Variants in PARP12 observed in about 807,000 individuals in gnomAD.
PARP12 encodes the protein poly(ADP-ribose) polymerase family member 12.
Under a neutral mutation model 72.4 loss-of-function variants are expected in PARP12, and 59 were observed. The ratio of observed to expected loss-of-function variants is 0.81; its 90% CI spans 0.66 to 1.01. PARP12 has a LOEUF of 1.01. PARP12 is among the 50% of genes least tolerant of loss of function. The pLI is 0.00. For synonymous variants in PARP12, 403 were observed against 371.4 expected (o/e 1.09, Z -0.98); for missense variants, 851 against 914.0 (o/e 0.93, Z 0.89).
Position 140,054,703 on chromosome 7 carries a change from T to TG in PARP12, c.820dup (p.Gln274ProfsTer12), listed in dbSNP as rs1316408190. ...TTTCCGGATATGGTACAAACAGATC[T>TG]GATCACCCTCCTCCTGGCTAAGAGT... On this transcript the variant is annotated frameshift_variant, in exon 4 of 12. Coordinates refer to ENST00000263549, the MANE Select transcript of PARP12 (RefSeq NM_022750.4). LOFTEE classifies it high-confidence loss of function. The TG allele has an allele frequency of 6.2e-7, 1 of 1,614,040 alleles. No homozygotes were observed. Among genetic ancestry groups the TG allele is most frequent in the Non-Finnish European group, 8.5e-7 (1 of 1,179,986 alleles).
chr7:140,062,869 CG>C lies in PARP12; in HGVS notation c.-23del. 7.9e-7 allele frequency: 1 copy of C among 1,262,802 alleles called. No individual in the cohort carries two copies. The highest frequency in any genetic ancestry group is 9.9e-7 in the Non-Finnish European group (1 of 1,006,242). 78.2% of individuals were successfully genotyped at this position (1,262,802 alleles called of 1,614,324 possible). ...CCATGGCCGCTGGGCCTGCTCCCGTCGGACCGCGGGTGGCGCGACGCGGACG... is the reference window on the plus strand; with the variant it reads ...CCATGGCCGCTGGGCCTGCTCCCGTCGACCGCGGGTGGCGCGACGCGGACG... On this transcript the variant is annotated 5_prime_UTR_variant, in exon 1 of 12. Coordinates refer to ENST00000263549, the MANE Select transcript of PARP12 (RefSeq NM_022750.4).
chr7:140,023,838 G>A lies in PARP12; in HGVS notation c.*722C>T, dbSNP rs764475977. The A allele has an allele frequency of 7.1e-5, 11 of 154,320 alleles. No individual in the cohort carries two copies. The highest frequency in any genetic ancestry group is 1.3e-4 in the Non-Finnish European group (9 of 69,074). 9.6% of individuals were successfully genotyped at this position (154,320 alleles called of 1,614,324 possible). On this transcript the variant is annotated 3_prime_UTR_variant, in exon 12 of 12. Transcript: ENST00000263549. ...CACAGGGATGTTAAAACCCACACTC[G>A]AAGGGTGTCCAGTGTGCTTAGGAAA...
At chr7:140,061,341 G>A (rs62491366) in intron 1 of PARP12, among the ~76,000 whole-genome samples, 10,341 of 152,240 alleles carry the variant, frequency 0.068, 471 homozygotes, top group Non-Finnish European at 0.099. Context: ...GGCACAGAGC[G>A]GAGGTCAGTC....
chr7:140,052,611 T>G (rs913329481), intron 4 of PARP12, among the ~76,000 whole-genome samples: 18 of 152,204 alleles, frequency 1.2e-4, no homozygotes, highest in African/African-American at 4.1e-4. Flanking sequence ...TGCCTCAAAC[T>G]AGATCCTCTT....
chr7:140,034,926 A>G (rs1160000552), intron 7 of PARP12, among the ~76,000 whole-genome samples: 2 of 152,282 alleles, frequency 1.3e-5, no homozygotes, highest in Middle Eastern at 3.4e-3. Flanking sequence ...GCCTGCCAGG[A>G]AAACCCTCTC....
Position 140,062,504 on chromosome 7 carries a change from C to T in PARP12, c.326+18G>A. ...CGCAGGACCTCCGCCCGCCGTCGCT[C>T]CCGGCGCGGCGCCTTACCCGGCTCT... is the stretch of plus-strand genomic sequence containing the variant. On this transcript the variant is annotated intron_variant, in intron 1 of 11. Transcript: ENST00000263549. The T allele has an allele frequency of 6.5e-7, 1 of 1,532,450 alleles. No individual in the cohort carries two copies. 94.9% of individuals were successfully genotyped at this position (1,532,450 alleles called of 1,614,324 possible).
intron 7 of PARP12, among the ~76,000 whole-genome samples, chr7:140,034,897 C>A (rs757833): frequency 0.47 from 71,178 of 151,946 alleles, 19,048 homozygotes; most frequent in African/African-American, 0.72. Context: ...AAATACCTAG[C>A]AGTGTTTGTT....
At position 140,034,216 on chromosome 7, in the gene PARP12, G is replaced by GC. The variant is rs1325070810; in HGVS notation, c.1421+18dup. On this transcript the variant is annotated intron_variant, in intron 8 of 11. Coordinates refer to ENST00000263549, the MANE Select transcript of PARP12 (RefSeq NM_022750.4). ...CAGCTGATTACATCCTAAGTACCAA[G>GC]CCCCCCACTGCAACCTACCAGGTTT... is the stretch of plus-strand genomic sequence containing the variant. The GC allele has an allele frequency of 4.4e-6, 7 of 1,608,420 alleles. No individual in the cohort carries two copies. The African/African-American group carries it at 5.4e-5, about 12-fold the overall frequency.
chr7:140,061,939 G>A (rs557375027), intron 1 of PARP12, among the ~76,000 whole-genome samples: 4 of 144,462 alleles, frequency 2.8e-5, no homozygotes, highest in South Asian at 2.4e-4. Flanking sequence ...GGCATTCCAG[G>A]CAGAGCAAAG....
intron 1 of PARP12, among the ~76,000 whole-genome samples, chr7:140,058,988 A>C (rs1817320383): frequency 6.6e-6 from 1 of 151,808 alleles, no homozygotes; most frequent in African/African-American, 2.4e-5. Flanking sequence ...CCAGCTACTC[A>C]GGAGGCTGAG....
intron 10 of PARP12, 66 bp from the exon 11 acceptor site, chr7:140,026,414 T>G: frequency 6.5e-7 from 1 of 1,547,662 alleles, no homozygotes; most frequent in Non-Finnish European, 8.7e-7. Context: ...GCCGGCCTGA[T>G]GCAAAACAAC....
At chr7:140,034,951 T>A (rs1206006032) in intron 7 of PARP12, among the ~76,000 whole-genome samples, 1 of 152,216 alleles carries the variant, frequency 6.6e-6, no homozygotes, top group Non-Finnish European at 1.5e-5. Context: ...CTTACATTTT[T>A]TTTAAGAGAT....
Position 140,031,344 on chromosome 7 carries a change from T to C in PARP12, c.1422-2656A>G, listed in dbSNP as rs538819307. ...GCCGTGATCAGGTCACTGCATTCCATCCTGGGTGACAGAGTGAGACCCTGT... is the reference window on the plus strand; with the variant it reads ...GCCGTGATCAGGTCACTGCATTCCACCCTGGGTGACAGAGTGAGACCCTGT... On this transcript the variant is annotated intron_variant, in intron 8 of 11. Coordinates refer to ENST00000263549, the MANE Select transcript of PARP12 (RefSeq NM_022750.4). Among the ~76,000 whole-genome samples the C allele has an allele frequency of 4.5e-4, 68 of 152,116 alleles. 1 individual carries two copies. The highest frequency in any genetic ancestry group is 3.4e-3 in the Middle Eastern group (1 of 294).
rs1352026787 is a variant in PARP12, at chr7:140,024,650, C to T, written c.2016G>A (p.Glu672=). The part of the protein sequence containing the change: ...VIFEKHQVYP[E]YVIQYTTSSK... Reference sequence around the variant, plus strand: ...AGGAGGTGGTGTACTGGATGACATACTCTGGGTAGACCTGGTGTTTCTCAA... The same window carrying T: ...AGGAGGTGGTGTACTGGATGACATATTCTGGGTAGACCTGGTGTTTCTCAA... Residue 672 remains glutamate (E), a synonymous_variant, in exon 12 of 12, where the codon GAG becomes GAA. Coordinates refer to ENST00000263549, the MANE Select transcript of PARP12 (RefSeq NM_022750.4). 11 of 1,614,010 alleles carry T rather than the reference C, an allele frequency of 6.8e-6. No homozygotes were observed. The highest frequency in any genetic ancestry group is 5.3e-5 in the African/African-American group (4 of 74,902).
At chr7:140,033,487 T>G (rs1816026357) in intron 8 of PARP12, 1 of 985,422 alleles carries the variant, frequency 1.0e-6, no homozygotes, top group East Asian at 1.1e-4. Flanking sequence ...AAGCCCAAAC[T>G]GTATGGGCAC....
rs749786679 is a variant in PARP12, at chr7:140,027,383, C to A, written c.1521G>T (p.Ser507=). The change falls in exon 10 of 12, where the codon TCG becomes TCT. Residue 507 remains serine, a synonymous_variant. Coordinates refer to ENST00000263549, the MANE Select transcript of PARP12 (RefSeq NM_022750.4). ...GFQKITLSSS[S]EEYQKVWNLF... is the part of the protein sequence containing the mutation. The stretch of plus-strand genomic sequence containing the variant: ...GGTTCCAGACCTTCTGATACTCTTC[C>A]GAGGAAGAACTAAGGGTGATCTTCT... The A allele has an allele frequency of 6.2e-7, 1 of 1,613,988 alleles. No individual in the cohort carries two copies. Among genetic ancestry groups the A allele is most frequent in the East Asian group, 2.2e-5 (1 of 44,872 alleles).
chr7:140,038,655 TATTAA>T (rs1816322201), intron 6 of PARP12, among the ~76,000 whole-genome samples: 1 of 152,186 alleles, frequency 6.6e-6, no homozygotes, highest in South Asian at 2.1e-4. Flanking sequence ...TCACCGTTCT[TATTAA>T]ATTTGAGATT....
Position 140,046,833 on chromosome 7 carries a change from T to TGTGTGTGTGTGTGTGTCA in PARP12, c.986+50_986+51insTGACACACACACACACAC, listed in dbSNP as rs1554514730. The TGTGTGTGTGTGTGTGTCA allele has an allele frequency of 4.4e-4, 524 of 1,188,084 alleles. 11 individuals carry two copies. The highest frequency in any genetic ancestry group is 1.5e-3 in the Admixed American group (56 of 37,696). 73.6% of individuals were successfully genotyped at this position (1,188,084 alleles called of 1,614,324 possible). A position where few individuals can be genotyped will look rare whatever the true frequency, so the allele number is the denominator to read the frequency against. ...GTGTGTGTGTGTGTGTGTGTGTGTG[T>TGTGTGTGTGTGTGTGTCA]CACACACAGAAGCCCAGGCACAAAG... On this transcript the variant is annotated intron_variant, in intron 5 of 11. Transcript: ENST00000263549.
At chr7:140,025,732 T>C (rs1815714081) in intron 11 of PARP12, 1 of 327,356 alleles carries the variant, frequency 3.1e-6, no homozygotes, top group Non-Finnish European at 6.1e-6. Flanking sequence ...AAAGAAATAG[T>C]ATTTTAAAAT....
Sources: allele counts gnomAD v4.1 joint callset (sites outside exome capture counted in the v4.1 genomes callset), GRCh38; gene constraint gnomAD v4.1.1; transcripts MANE v1.5; gene names NCBI Gene and HGNC (gene_info 2026-07-23, HGNC 2026-07-21).